The following ANO4 variants were observed in gnomAD, a reference collection of about 807,000 sequenced individuals.
ANO4 encodes anoctamin-4.
ANO4 carries 69 observed loss-of-function variants against 141.9 expected under a neutral mutation model. That is an observed-to-expected ratio of 0.49 (90% confidence interval 0.40 to 0.59). The LOEUF (loss-of-function observed/expected upper bound fraction) is 0.59. Ranked by LOEUF, ANO4 falls within the 20% of genes least tolerant of loss-of-function variation. ANO4 has a pLI of 0.00. For missense variants in ANO4, 894 were observed against 1,162.2 expected, an observed-to-expected ratio of 0.77 and a Z score of 3.36; for synonymous variants, 350 against 394.3, an observed-to-expected ratio of 0.89 and a Z score of 1.33.
intron 14 of ANO4, among the ~76,000 whole-genome samples, chr12:101,072,884 A>C (rs1438621933): frequency 6.6e-6 from 1 of 152,270 alleles, no homozygotes; most frequent in Non-Finnish European, 1.5e-5. Context: ...CCACAATGAG[A>C]TATCATCTTG....
intron 11 of ANO4, 72 bp from the exon 12 acceptor site, chr12:101,042,262 C>G: frequency 8.9e-6 from 14 of 1,579,010 alleles, no homozygotes; most frequent in Admixed American, 1.7e-5. Flanking sequence ...AGTAAAATGA[C>G]TATACGAAGT....
chr12:101,039,931 C>T (rs1273134457), intron 10 of ANO4, 24 bp from the exon 11 acceptor site: 4 of 1,603,572 alleles, frequency 2.5e-6, no homozygotes, highest in Non-Finnish European at 3.4e-6. Context: ...TACTACCTCA[C>T]TGGCAGTGGT....
At chr12:101,094,395 T>C (rs2049898200) in intron 18 of ANO4, 103 bp downstream of exon 18, 3 of 916,274 alleles carry the variant, frequency 3.3e-6, no homozygotes, top group African/African-American at 3.4e-5. Context: ...AGTCCCTTTA[T>C]TTTAAAATTC....
intron 8 of ANO4, among the ~76,000 whole-genome samples, chr12:100,996,280 G>A (rs10507127): frequency 0.077 from 11,667 of 152,228 alleles, 535 homozygotes; most frequent in South Asian, 0.15. Context: ...CTGTGAGCTA[G>A]GGCATAAGAA....
chr12:101,059,175 C>T (rs1183969655), intron 14 of ANO4, among the ~76,000 whole-genome samples: 2 of 152,124 alleles, frequency 1.3e-5, no homozygotes, highest in Non-Finnish European at 2.9e-5. Flanking sequence ...TATTAATTTG[C>T]ATATGTTGAA....
At chr12:101,107,904 TGA>T (rs2050511615) in intron 22 of ANO4, among the ~76,000 whole-genome samples, 1 of 151,882 alleles carries the variant, frequency 6.6e-6, no homozygotes, top group African/African-American at 2.4e-5. Flanking sequence ...GAGGGAGAAA[TGA>T]GAGACATTTT....
At chr12:100,977,058 A>G (rs997795881) in intron 7 of ANO4, among the ~76,000 whole-genome samples, 1 of 152,182 alleles carries the variant, frequency 6.6e-6, no homozygotes, top group Non-Finnish European at 1.5e-5. Context: ...TTATAAAATG[A>G]TATTAACTTC....
chr12:100,770,955 A>G (rs1288865195), intron 3 of ANO4, among the ~76,000 whole-genome samples: 1 of 152,044 alleles, frequency 6.6e-6, no homozygotes, highest in Non-Finnish European at 1.5e-5. Context: ...AAATTAGTGG[A>G]GCTGGTGGGC....
chr12:101,106,637 GTC>G lies in ANO4; in HGVS notation c.2150-3763_2150-3762del, dbSNP rs372810356. ...GCATGCAAAACTCATGTCAGCAATT[GTC>G]TCTATGAAGGGAGAGGAAACCACTC... is the stretch of plus-strand genomic sequence containing the variant. On this transcript the variant is annotated intron_variant, in intron 22 of 27. Transcript: ENST00000392977. Among the ~76,000 whole-genome samples, 1,027 of 149,474 alleles carry G rather than the reference GTC, an allele frequency of 6.9e-3. 10 individuals carry two copies. Among genetic ancestry groups the G allele is most frequent in the African/African-American group, 0.024 (966 of 40,794 alleles).
At chr12:101,116,016 A>G (rs1404128671) in intron 24 of ANO4, among the ~76,000 whole-genome samples, 1 of 152,218 alleles carries the variant, frequency 6.6e-6, no homozygotes, top group Non-Finnish European at 1.5e-5. Context: ...ATGGTGAACT[A>G]AGTAAGTATG....
At chr12:101,064,144 A>G (rs868459780) in intron 14 of ANO4, among the ~76,000 whole-genome samples, 2 of 152,148 alleles carry the variant, frequency 1.3e-5, no homozygotes, top group Non-Finnish European at 2.9e-5. Context: ...ATTTTCAAAT[A>G]TGAGTTTAAT....
At chr12:100,747,788 A>G (rs537730326) in intron 3 of ANO4, among the ~76,000 whole-genome samples, 1 of 152,256 alleles carries the variant, frequency 6.6e-6, no homozygotes. Context: ...CAGGAGAATC[A>G]CTTGAACCCG....
chr12:100,758,893 G>A (rs927658693), intron 3 of ANO4, among the ~76,000 whole-genome samples: 5 of 152,180 alleles, frequency 3.3e-5, no homozygotes, highest in African/African-American at 1.2e-4. Context: ...TCTACACATG[G>A]CCTTCTCTTT....
In ANO4 at chr12:101,106,573, G is replaced by GTATATATATA. The variant is rs56808655; in HGVS notation, c.2150-3818_2150-3809dup. On this transcript the variant is annotated intron_variant, in intron 22 of 27. Transcript: ENST00000392977. ...TATGGATATTCATGTGTGTGTGTGT[G>GTATATATATA]TATATATATATATATATATATAAAT... Among the ~76,000 whole-genome samples, 171 of 138,606 alleles carry GTATATATATA rather than the reference G, an allele frequency of 1.2e-3. 1 individual carries two copies. The highest frequency in any genetic ancestry group is 2.3e-3 in the South Asian group (10 of 4,324). 90.9% of individuals were successfully genotyped at this position (138,606 alleles called of 152,430 possible).
intron 3 of ANO4, among the ~76,000 whole-genome samples, chr12:100,769,710 A>G (rs1008151187): frequency 6.6e-6 from 1 of 152,224 alleles, no homozygotes; most frequent in South Asian, 2.1e-4. Flanking sequence ...ATTTTCACTC[A>G]TTATATCTAA....
chr12:100,931,905 A>C (rs957143072), intron 3 of ANO4, among the ~76,000 whole-genome samples: 5 of 152,052 alleles, frequency 3.3e-5, no homozygotes, highest in African/African-American at 1.2e-4. Context: ...AGACATAGAG[A>C]TGGACTTATT....
chr12:101,105,167 C>A (rs548831733), intron 22 of ANO4, among the ~76,000 whole-genome samples: 4 of 152,124 alleles, frequency 2.6e-5, no homozygotes, highest in Non-Finnish European at 5.9e-5. Context: ...AGCAAAGGAA[C>A]AAGAACAAAT....
chr12:100,829,295 T>C (rs2036519631), intron 1 of ANO4, among the ~76,000 whole-genome samples: 1 of 152,108 alleles, frequency 6.6e-6, no homozygotes, highest in Non-Finnish European at 1.5e-5. Flanking sequence ...CTCAGTTTTC[T>C]TATCATTAAA....
At chr12:100,912,594 A>G (rs533572640) in intron 2 of ANO4, among the ~76,000 whole-genome samples, 1 of 151,802 alleles carries the variant, frequency 6.6e-6, no homozygotes, top group Non-Finnish European at 1.5e-5. Context: ...TCAACTTTTT[A>G]TCTTGAAGAT....
Sources: gnomAD v4.1 joint callset for allele counts (sites outside exome capture counted in the v4.1 genomes callset) on GRCh38, gnomAD v4.1.1 for gene constraint, MANE v1.5 for transcripts, NCBI Gene and HGNC (gene_info 2026-07-23, HGNC 2026-07-21) for gene names.